Variants in DLGAP2 observed in about 807,000 individuals in gnomAD.
The protein encoded by DLGAP2 is disks large-associated protein 2.
In DLGAP2, 26 loss-of-function variants were observed where a neutral mutation model predicts 100.3. That is an observed-to-expected ratio of 0.26 (90% CI 0.19 to 0.36). DLGAP2 has a LOEUF of 0.36. Among genes scored for constraint, DLGAP2 ranks in the 10% least tolerant of loss-of-function variants. The pLI is 1.00. For missense variants in DLGAP2, 1,858 were observed against 1,453.2 expected, an observed-to-expected ratio of 1.28 and a Z score of -4.53; for synonymous variants, 886 against 630.1, an observed-to-expected ratio of 1.41 and a Z score of -6.08.
intron 2 of DLGAP2, among the ~76,000 whole-genome samples, chr8:993,900 G>C (rs11775868): frequency 2.0e-5 from 3 of 147,926 alleles, no homozygotes; most frequent in African/African-American, 7.5e-5. Context: ...CAGCTACTTA[G>C]AGGCTTGACT....
chr8:1,218,313 C>T (rs1348031874), intron 2 of DLGAP2, among the ~76,000 whole-genome samples: 3 of 152,136 alleles, frequency 2.0e-5, no homozygotes, highest in Non-Finnish European at 4.4e-5. Flanking sequence ...TATGGGTAGC[C>T]AGCTATTCCA....
intron 4 of DLGAP2, among the ~76,000 whole-genome samples, chr8:1,517,862 T>A (rs1175652906): frequency 6.6e-6 from 1 of 152,128 alleles, no homozygotes; most frequent in African/African-American, 2.4e-5. Context: ...GGGGGCAGGG[T>A]CATGGAATAA....
chr8:852,058 G>C (rs896021856), intron 1 of DLGAP2, among the ~76,000 whole-genome samples: 8 of 152,222 alleles, frequency 5.3e-5, no homozygotes, highest in African/African-American at 1.4e-4. Flanking sequence ...AAGGCATGCA[G>C]CCTCCTGCCA....
chr8:1,069,379 G>A (rs557781496), intron 2 of DLGAP2, among the ~76,000 whole-genome samples: 103 of 152,228 alleles, frequency 6.8e-4, no homozygotes, highest in African/African-American at 2.4e-3. Flanking sequence ...ACTGGAGGAC[G>A]GGCCGGCTTC....
At position 1,683,319 on chromosome 8, in the gene DLGAP2, A is replaced by G. The variant is rs1054093653; in HGVS notation, c.2704+4690A>G. Among the ~76,000 whole-genome samples the G allele has an allele frequency of 5.9e-5, 9 of 151,636 alleles. 1 individual carries two copies. The Middle Eastern group carries it at 0.01, about 172-fold the overall frequency. On this transcript the variant is annotated intron_variant, in intron 12 of 14. Coordinates refer to ENST00000637795, the MANE Select transcript of DLGAP2 (RefSeq NM_001346810.2). ...GTGGTGACTGAAAAGGAGATTCAAG[A>G]GTCCACGCAGAGGCAGAGAACTGGG...
At chr8:977,497 G>T (rs1208164372) in intron 2 of DLGAP2, among the ~76,000 whole-genome samples, 1 of 152,172 alleles carries the variant, frequency 6.6e-6, no homozygotes, top group Non-Finnish European at 1.5e-5. Context: ...CTCCAGTAAG[G>T]TATATTCAAA....
chr8:1,044,816 G>A (rs915741406), intron 2 of DLGAP2, among the ~76,000 whole-genome samples: 40 of 152,102 alleles, frequency 2.6e-4, no homozygotes, highest in African/African-American at 7.2e-4. Flanking sequence ...GTCACCTCTC[G>A]ACCTGCAGAA....
chr8:757,919 C>T (rs1396351753), intron 1 of DLGAP2, among the ~76,000 whole-genome samples: 1 of 152,294 alleles, frequency 6.6e-6, no homozygotes, highest in South Asian at 2.1e-4. Context: ...CACCTCTGCG[C>T]TCATTAGTGA....
At chr8:1,156,902 C>A (rs1023897670) in intron 2 of DLGAP2, among the ~76,000 whole-genome samples, 1 of 152,164 alleles carries the variant, frequency 6.6e-6, no homozygotes, top group African/African-American at 2.4e-5. Context: ...CAGGAAGGCC[C>A]TGCCGTCCAC....
chr8:894,001 C>T (rs548184778), intron 1 of DLGAP2, among the ~76,000 whole-genome samples: 1 of 152,242 alleles, frequency 6.6e-6, no homozygotes, highest in Non-Finnish European at 1.5e-5. Flanking sequence ...TCACCCAGGC[C>T]GTGTGGCTCA....
At chr8:1,089,546 C>G (rs541783546) in intron 2 of DLGAP2, among the ~76,000 whole-genome samples, 1 of 152,350 alleles carries the variant, frequency 6.6e-6, no homozygotes, top group South Asian at 2.1e-4. Flanking sequence ...GACTGGCACC[C>G]TCCCTCCTTG....
At chr8:1,468,847 G>A (rs138200203) in intron 3 of DLGAP2, among the ~76,000 whole-genome samples, 31 of 152,230 alleles carry the variant, frequency 2.0e-4, no homozygotes, top group Non-Finnish European at 3.7e-4. Flanking sequence ...TGTGGTGACC[G>A]TCATCCTGGG....
At chr8:1,497,517 C>T (rs558622727) in intron 3 of DLGAP2, among the ~76,000 whole-genome samples, 10 of 152,124 alleles carry the variant, frequency 6.6e-5, no homozygotes, top group Non-Finnish European at 1.3e-4. Context: ...CTCCCTTATA[C>T]GAGGAGGCCA....
At chr8:1,101,169 A>G (rs1253555447) in intron 2 of DLGAP2, among the ~76,000 whole-genome samples, 3 of 152,246 alleles carry the variant, frequency 2.0e-5, no homozygotes, top group Non-Finnish European at 4.4e-5. Context: ...GTTAAGTGAC[A>G]TAAAATCTGT....
In DLGAP2 at chr8:1,638,850, G is replaced by A. The variant is rs780410400; in HGVS notation, c.1810+5804G>A. Among the ~76,000 whole-genome samples, 7 of 152,226 alleles carry A rather than the reference G, an allele frequency of 4.6e-5. No individual in the cohort carries two copies. In the South Asian group the frequency reaches 6.2e-4, roughly 13 times the overall value. ...TAGGGACAGACGCAGAGAAGGCAGC[G>A]GATGCATGCAGATCCCAGCGATGGG... On this transcript the variant is annotated intron_variant, in intron 8 of 14. Coordinates refer to ENST00000637795, the MANE Select transcript of DLGAP2 (RefSeq NM_001346810.2).
chr8:789,094 A>G (rs1444225689), intron 1 of DLGAP2, among the ~76,000 whole-genome samples: 2 of 152,248 alleles, frequency 1.3e-5, no homozygotes, highest in Non-Finnish European at 2.9e-5. Context: ...GACACAAAAC[A>G]CAGTCAGAGG....
rs370082504 is a variant in DLGAP2 at position 1,249,309 on chromosome 8, C to G, written c.74-9542C>G. On this transcript the variant is annotated intron_variant, in intron 2 of 14. Coordinates refer to ENST00000637795, the MANE Select transcript of DLGAP2 (RefSeq NM_001346810.2). ...GTGGGTCCCGTGGGAAGGTCTCAGC[C>G]TGCATGAGCGTCTCAGGGCCCCTCA... 2.0e-4 allele frequency among the ~76,000 whole-genome samples: 30 copies of G among 152,266 alleles called. No homozygotes were observed. The East Asian group carries it at 5.0e-3, about 26-fold the overall frequency.
intron 4 of DLGAP2, among the ~76,000 whole-genome samples, chr8:1,516,938 A>G (rs1281260939): frequency 1.3e-5 from 2 of 152,198 alleles, no homozygotes; most frequent in Admixed American, 1.3e-4. Flanking sequence ...AATAAAATAC[A>G]TAAAAAATGA....
chr8:1,700,220 C>G (rs958305231), intron 14 of DLGAP2, among the ~76,000 whole-genome samples: 3 of 152,202 alleles, frequency 2.0e-5, no homozygotes, highest in African/African-American at 7.2e-5. Flanking sequence ...TTTTCAGAGG[C>G]TGAAGAGAAA....
Sources: allele counts gnomAD v4.1 joint callset (sites outside exome capture counted in the v4.1 genomes callset), GRCh38; gene constraint gnomAD v4.1.1; transcripts MANE v1.5; gene names NCBI Gene and HGNC (gene_info 2026-07-23, HGNC 2026-07-21).